The following TATDN3 variants were observed in gnomAD, a reference collection of about 807,000 sequenced individuals.
The protein encoded by TATDN3 is TatD DNase domain containing 3, also known as deoxyribonuclease TATDN3.
In TATDN3, 29 loss-of-function variants were observed where a neutral mutation model predicts 40.1. The ratio of observed to expected loss-of-function variants is 0.72; its 90% CI spans 0.54 to 0.99. The LOEUF is 0.99. Ranked by LOEUF, TATDN3 falls within the 50% of genes least tolerant of loss-of-function variation. The pLI is 0.00. For missense variants in TATDN3, 309 were observed against 321.9 expected, an observed-to-expected ratio of 0.96 and a Z score of 0.31; for synonymous variants, 105 against 117.0, an observed-to-expected ratio of 0.90 and a Z score of 0.66.
At chr1:212,804,050 A>AC (rs1662318373) in intron 5 of TATDN3, among the ~76,000 whole-genome samples, 2 of 152,090 alleles carry the variant, frequency 1.3e-5, no homozygotes, top group South Asian at 2.1e-4. Context: ...AAACAAACAA[A>AC]AAAAAAGGAA....
chr1:212,806,777 T>C lies in TATDN3; in HGVS notation c.488-959T>C, dbSNP rs1420813708. On this transcript the variant is annotated intron_variant, in intron 7 of 9. Coordinates refer to ENST00000366974, the MANE Select transcript of TATDN3 (RefSeq NM_001042552.3). ...ATATATATATATATATATATATATA[T>C]ATATATACACACACACACACACATA... Among the ~76,000 whole-genome samples the C allele has an allele frequency of 2.0e-3, 204 of 103,506 alleles. 15 individuals are homozygous for C. Among genetic ancestry groups the C allele is most frequent in the South Asian group, 7.8e-3 (24 of 3,096 alleles). 67.9% of individuals were successfully genotyped at this position (103,506 alleles called of 152,430 possible). A position where few individuals can be genotyped will look rare whatever the true frequency, so the allele number is the denominator to read the frequency against.
At chr1:212,799,653 T>G (rs1448177742) in intron 4 of TATDN3, among the ~76,000 whole-genome samples, 1 of 151,922 alleles carries the variant, frequency 6.6e-6, no homozygotes, top group Non-Finnish European at 1.5e-5. Flanking sequence ...TTCTCGTGCC[T>G]CAGCCTCCTG....
In TATDN3 at chr1:212,798,792, T is replaced by C. The variant is rs553566453; in HGVS notation, c.258+1596T>C. ...ACATGCCAGGCACTGCTGTCAGCACTGCAGACCCAATAATGAGTAAGATCC... is the reference window on the plus strand; with the variant it reads ...ACATGCCAGGCACTGCTGTCAGCACCGCAGACCCAATAATGAGTAAGATCC... On this transcript the variant is annotated intron_variant, in intron 4 of 9. Coordinates refer to ENST00000366974, the MANE Select transcript of TATDN3 (RefSeq NM_001042552.3). Among the ~76,000 whole-genome samples, 10 of 152,306 alleles carry C rather than the reference T, an allele frequency of 6.6e-5. No individual in the cohort carries two copies. The South Asian group carries it at 1.4e-3, about 22-fold the overall frequency.
chr1:212,812,343 A>G lies in TATDN3; in HGVS notation c.681+15A>G, dbSNP rs1662937074. ...CAGAAAAACAGGTAAATGGTTTTCT[A>G]ATTTCTATATTATTTAGATTGTATC... On this transcript the variant is annotated intron_variant, in intron 9 of 9. Transcript: ENST00000366974. 3.2e-6 allele frequency: 4 copies of G among 1,244,788 alleles called. No individual in the cohort carries two copies. The highest frequency in any genetic ancestry group is 2.7e-5 in the South Asian group (2 of 75,228). The allele number at this position is 1,244,788 out of a possible 1,614,324, so 77.1% of individuals were successfully genotyped here.
rs1661772338 is a variant in TATDN3 at position 212,796,515 on chromosome 1, A to G, written c.100-2A>G. ...TAACTTTATTCTTTTTTTTTTTTTC[A>G]GGCCAATGTTGTGGCCCTTGTGGCA... On this transcript the variant is annotated splice_acceptor_variant, in intron 2 of 9. Coordinates refer to ENST00000366974, the MANE Select transcript of TATDN3 (RefSeq NM_001042552.3). LOFTEE classifies it high-confidence loss of function. 2.1e-6 allele frequency: 3 copies of G among 1,432,716 alleles called. No individual in the cohort carries two copies. The highest frequency in any genetic ancestry group is 2.8e-6 in the Non-Finnish European group (3 of 1,081,166). The allele number at this position is 1,432,716 out of a possible 1,614,324, so 88.8% of individuals were successfully genotyped here.
intron 7 of TATDN3, among the ~76,000 whole-genome samples, chr1:212,806,747 C>CTCCAT (rs1558083475): frequency 1.4e-4 from 6 of 43,976 alleles, no homozygotes; most frequent in Non-Finnish European, 2.6e-4. Context: ...TCTCTCTCTC[C>CTCCAT]ATATATATAT....
At chr1:212,792,701 C>A (rs1026209036) in intron 1 of TATDN3, among the ~76,000 whole-genome samples, 1 of 148,616 alleles carries the variant, frequency 6.7e-6, no homozygotes, top group Non-Finnish European at 1.5e-5. Context: ...AATACATGGC[C>A]GAGTGTGGTT....
At chr1:212,792,412 G>A (rs1418571577) in intron 1 of TATDN3, among the ~76,000 whole-genome samples, 1 of 149,508 alleles carries the variant, frequency 6.7e-6, no homozygotes, top group Non-Finnish European at 1.5e-5. Flanking sequence ...CGGGCGCTGC[G>A]CATCTCCTGT....
intron 8 of TATDN3, among the ~76,000 whole-genome samples, chr1:212,809,642 G>A (rs1476648092): frequency 1.3e-5 from 2 of 150,524 alleles, no homozygotes; most frequent in South Asian, 2.1e-4. Context: ...CCGAGATCGC[G>A]CCACTGCACT....
At chr1:212,807,403 C>A (rs980854578) in intron 7 of TATDN3, among the ~76,000 whole-genome samples, 7 of 151,940 alleles carry the variant, frequency 4.6e-5, no homozygotes, top group African/African-American at 9.7e-5. Context: ...CAGGCCTGCA[C>A]CACCATGCCC....
intron 8 of TATDN3, among the ~76,000 whole-genome samples, chr1:212,811,746 A>G (rs1390709432): frequency 6.6e-6 from 1 of 151,078 alleles, no homozygotes; most frequent in Non-Finnish European, 1.5e-5. Context: ...TCTGCTGCCC[A>G]GTCTGGAGTA....
At chr1:212,811,270 T>A (rs947026879) in intron 8 of TATDN3, among the ~76,000 whole-genome samples, 1 of 147,594 alleles carries the variant, frequency 6.8e-6, no homozygotes, top group African/African-American at 2.7e-5. Context: ...GTAGCTGGGA[T>A]TACAGGCAGC....
intron 1 of TATDN3, among the ~76,000 whole-genome samples, chr1:212,792,650 A>G (rs1314413817): frequency 1.3e-5 from 2 of 150,850 alleles, no homozygotes; most frequent in Non-Finnish European, 3.0e-5. Context: ...AAAAAAAAAA[A>G]AAATTCACAA....
At chr1:212,796,635 C>A in intron 3 of TATDN3, 45 bp downstream of exon 3, 3 of 1,309,484 alleles carry the variant, frequency 2.3e-6, no homozygotes, top group South Asian at 1.4e-5. Context: ...AATAAGAACA[C>A]AGTTATGACA....
At chr1:212,813,697 CTTGTTTTTGTTT>C (rs199525131) in intron 9 of TATDN3, among the ~76,000 whole-genome samples, 3,433 of 150,882 alleles carry the variant, frequency 0.023, 61 homozygotes, top group South Asian at 0.042. Flanking sequence ...TGCCTGGCTA[CTTGTTTTTGTTT>C]TTGTTTTTGT....
At chr1:212,809,672 G>A (rs1312782413) in intron 8 of TATDN3, among the ~76,000 whole-genome samples, 1 of 140,716 alleles carries the variant, frequency 7.1e-6, no homozygotes, top group African/African-American at 2.7e-5. Flanking sequence ...GTGACAGAGC[G>A]AGACTCCGTC....
chr1:212,798,754 C>T (rs1047386153), intron 4 of TATDN3, among the ~76,000 whole-genome samples: 1 of 152,092 alleles, frequency 6.6e-6, no homozygotes, highest in Non-Finnish European at 1.5e-5. Context: ...CCAGTGTGTA[C>T]TGAGCACCTG....
chr1:212,813,815 A>G (rs1376732782), intron 9 of TATDN3, among the ~76,000 whole-genome samples: 1 of 151,846 alleles, frequency 6.6e-6, no homozygotes, highest in African/African-American at 2.4e-5. Flanking sequence ...GATTCAAGCA[A>G]TTCTCCTGCC....
intron 7 of TATDN3, among the ~76,000 whole-genome samples, chr1:212,805,217 C>T (rs1048554621): frequency 6.6e-5 from 10 of 151,002 alleles, no homozygotes; most frequent in African/African-American, 2.2e-4. Context: ...CCGCCTCAGC[C>T]TGCCAAAGTG....
Sources: allele counts gnomAD v4.1 joint callset (sites outside exome capture counted in the v4.1 genomes callset), GRCh38; gene constraint gnomAD v4.1.1; transcripts MANE v1.5; gene names NCBI Gene and HGNC (gene_info 2026-07-23, HGNC 2026-07-21).